The following TBCE variants were observed in gnomAD, a reference collection of about 807,000 sequenced individuals.
TBCE encodes tubulin-specific chaperone E.
Under a neutral mutation model 77.0 loss-of-function variants are expected in TBCE, and 53 were observed. The observed-to-expected ratio is 0.69, with a 90% CI of 0.55 to 0.87. TBCE has a LOEUF of 0.87. TBCE is among the 40% of genes least tolerant of loss of function. The pLI, the probability that TBCE is intolerant of heterozygous loss-of-function variation, is 0.00. For missense variants in TBCE, 624 were observed against 622.4 expected (o/e 1.00, Z -0.03); for synonymous variants, 235 against 241.3 (o/e 0.97, Z 0.24).
chr1:235,431,196 T>A (rs761945551), intron 7 of TBCE, among the ~76,000 whole-genome samples: 6 of 152,184 alleles, frequency 3.9e-5, no homozygotes, highest in Non-Finnish European at 5.9e-5. Context: ...TCTCACATAC[T>A]TTTCTTGTTA....
chr1:235,396,954 G>GTTTGTTTATTTATTTA (rs1553333556), intron 2 of TBCE, among the ~76,000 whole-genome samples: 1 of 148,350 alleles, frequency 6.7e-6, no homozygotes, highest in African/African-American at 2.5e-5. Context: ...TTTGTTGATT[G>GTTTGTTTATTTATTTA]TTTATTTATT....
rs757766591 is a variant in TBCE at position 235,427,127 on chromosome 1, CAT to C, written c.461-12_461-11del. 72 of 1,554,358 alleles carry C rather than the reference CAT, an allele frequency of 4.6e-5. No homozygotes were observed. In the Middle Eastern group the frequency reaches 8.4e-4, roughly 18 times the overall value. The stretch of plus-strand genomic sequence containing the variant: ...ATCTTTTGAAATTACTGTTTCTTAA[CAT>C]GTGCTTTTAGATATCAGAAAGGTAG... On this transcript the variant is annotated splice_polypyrimidine_tract_variant and intron_variant, in intron 5 of 16. Transcript: ENST00000642610.
intron 13 of TBCE, among the ~76,000 whole-genome samples, chr1:235,440,191 C>T (rs1384755702): frequency 2.6e-5 from 4 of 152,062 alleles, no homozygotes; most frequent in Non-Finnish European, 5.9e-5. Flanking sequence ...AGGATGGTCT[C>T]GATCTCCTGA....
At chr1:235,400,390 G>GA (rs1274306645) in intron 2 of TBCE, among the ~76,000 whole-genome samples, 6 of 129,606 alleles carry the variant, frequency 4.6e-5, no homozygotes, top group Non-Finnish European at 8.2e-5. Context: ...GAAATTGAAG[G>GA]AAAAAATTAT....
At chr1:235,388,967 A>G (rs1044351376) in intron 2 of TBCE, among the ~76,000 whole-genome samples, 1 of 152,184 alleles carries the variant, frequency 6.6e-6, no homozygotes, top group Non-Finnish European at 1.5e-5. Flanking sequence ...ATGATCTGTC[A>G]CTAGGTTCTG....
intron 2 of TBCE, among the ~76,000 whole-genome samples, chr1:235,383,804 T>G (rs1299455325): frequency 1.3e-5 from 2 of 152,288 alleles, no homozygotes; most frequent in Middle Eastern, 3.4e-3. Flanking sequence ...TGAATACCCT[T>G]TGTTTCCTTC....
intron 11 of TBCE, 79 bp downstream of exon 11, chr1:235,436,687 C>T: frequency 2.2e-6 from 3 of 1,373,756 alleles, no homozygotes; most frequent in Middle Eastern, 1.8e-4. Context: ...TTCCTTCTAC[C>T]AAAAAAGTAA....
chr1:235,426,438 A>G (rs182321476), intron 5 of TBCE, among the ~76,000 whole-genome samples: 3 of 152,154 alleles, frequency 2.0e-5, no homozygotes, highest in South Asian at 2.1e-4. Context: ...GGAGATTCCT[A>G]TGGTAATGGT....
At chr1:235,392,386 A>G (rs537196522) in intron 2 of TBCE, among the ~76,000 whole-genome samples, 19 of 149,432 alleles carry the variant, frequency 1.3e-4, no homozygotes, top group African/African-American at 4.7e-4. Flanking sequence ...CATATTGTCA[A>G]ATTGCTGAAC....
chr1:235,447,662 G>A (rs954554685), intron 15 of TBCE, among the ~76,000 whole-genome samples: 3 of 152,144 alleles, frequency 2.0e-5, no homozygotes, highest in African/African-American at 7.2e-5. Flanking sequence ...TGTTCGTTCA[G>A]TAATTCATAA....
At chr1:235,388,869 G>A (rs1487855727) in intron 2 of TBCE, among the ~76,000 whole-genome samples, 2 of 152,216 alleles carry the variant, frequency 1.3e-5, no homozygotes, top group African/African-American at 4.8e-5. Context: ...AAATATTTCA[G>A]CTGTCTCCTT....
chr1:235,372,931 A>G (rs1225520159), intron 1 of TBCE, among the ~76,000 whole-genome samples: 2 of 151,508 alleles, frequency 1.3e-5, no homozygotes, highest in African/African-American at 4.8e-5. Flanking sequence ...CTAAAAAAAA[A>G]AAAAAAAAAA....
At chr1:235,403,692 G>C (rs777432919) in intron 3 of TBCE, among the ~76,000 whole-genome samples, 1 of 152,192 alleles carries the variant, frequency 6.6e-6, no homozygotes, top group Non-Finnish European at 1.5e-5. Flanking sequence ...GGTTTGTCCT[G>C]AAATGCTAAT....
At chr1:235,430,435 G>A in intron 6 of TBCE, 1 of 338,904 alleles carries the variant, frequency 3.0e-6, no homozygotes, top group Non-Finnish European at 5.6e-6. Flanking sequence ...TTTGGGTTTA[G>A]GAAGCCTACA....
chr1:235,395,377 G>C (rs1197443663), intron 2 of TBCE, among the ~76,000 whole-genome samples: 5 of 151,880 alleles, frequency 3.3e-5, no homozygotes, highest in African/African-American at 1.2e-4. Context: ...TACCCTTTTA[G>C]TTATATAAAG....
intron 15 of TBCE, 123 bp from the exon 16 acceptor site, chr1:235,448,220 CAAAAAA>C (rs59405398): frequency 6.8e-5 from 36 of 530,866 alleles, no homozygotes; most frequent in African/African-American, 1.2e-4. Flanking sequence ...AAGTCAGTCT[CAAAAAA>C]AAAAAAAAAA....
At chr1:235,421,870 G>T (rs1385591393) in intron 5 of TBCE, among the ~76,000 whole-genome samples, 2 of 152,328 alleles carry the variant, frequency 1.3e-5, no homozygotes, top group East Asian at 3.9e-4. Flanking sequence ...GCCAGGTGAA[G>T]TAGCTCTCTT....
At chr1:235,379,909 C>CT (rs1382815516) in intron 1 of TBCE, 110 bp from the exon 2 acceptor site, 33 of 631,142 alleles carry the variant, frequency 5.2e-5, no homozygotes, top group Non-Finnish European at 8.7e-5. Flanking sequence ...GATTGCGCCA[C>CT]TGCACTCCAG....
intron 8 of TBCE, 114 bp from the exon 9 acceptor site, chr1:235,435,631 A>T: frequency 2.0e-6 from 2 of 976,416 alleles, no homozygotes; most frequent in Non-Finnish European, 3.2e-6. Flanking sequence ...AGTCATATTT[A>T]CTTGCTTCTT....
Sources: allele counts gnomAD v4.1 joint callset (sites outside exome capture counted in the v4.1 genomes callset), GRCh38; gene constraint gnomAD v4.1.1; transcripts MANE v1.5; gene names NCBI Gene and HGNC (gene_info 2026-07-23, HGNC 2026-07-21).